ADAMTS17: variants seen among roughly 807,000 people sequenced by gnomAD.
ADAMTS17 encodes the protein ADAM metallopeptidase with thrombospondin type 1 motif 17.
A neutral mutation model predicts 141.5 loss-of-function variants in ADAMTS17; 113 were observed. The ratio of observed to expected loss-of-function variants is 0.80; its 90% CI spans 0.69 to 0.93. The LOEUF (loss-of-function observed/expected upper bound fraction) is 0.93, where lower values mean the gene tolerates loss of function less well. Among genes scored for constraint, ADAMTS17 ranks in the 40% least tolerant of loss-of-function variants. ADAMTS17 has a pLI of 0.00. For missense variants in ADAMTS17, 1,659 were observed against 1,517.9 expected, an observed-to-expected ratio of 1.09 and a Z score of -1.54; for synonymous variants, 768 against 630.6, an observed-to-expected ratio of 1.22 and a Z score of -3.27.
chr15:100,109,175 G>C (rs2036590416), intron 13 of ADAMTS17, 59 bp from the exon 14 acceptor site: 7 of 1,559,064 alleles, frequency 4.5e-6, no homozygotes, highest in Admixed American at 3.9e-5. Flanking sequence ...GCCATGCAGG[G>C]CACAGGTACA....
chr15:100,109,927 A>C (rs1429765686), intron 13 of ADAMTS17, among the ~76,000 whole-genome samples: 1 of 151,950 alleles, frequency 6.6e-6, no homozygotes, highest in Non-Finnish European at 1.5e-5. Flanking sequence ...CACTGTGCAC[A>C]CACCTCCATT....
chr15:100,010,713 A>G (rs907514638), intron 18 of ADAMTS17, among the ~76,000 whole-genome samples: 4 of 152,242 alleles, frequency 2.6e-5, no homozygotes, highest in African/African-American at 7.2e-5. Flanking sequence ...ATAGTCCTGA[A>G]GACCTGTGGC....
chr15:100,257,368 C>G (rs1480656454), intron 6 of ADAMTS17, among the ~76,000 whole-genome samples: 1 of 152,242 alleles, frequency 6.6e-6, no homozygotes, highest in Non-Finnish European at 1.5e-5. Flanking sequence ...TGCGGCCTCC[C>G]CCGTCCTTCA....
intron 15 of ADAMTS17, among the ~76,000 whole-genome samples, chr15:100,083,071 G>A (rs530091851): frequency 4.6e-5 from 7 of 152,210 alleles, no homozygotes; most frequent in South Asian, 2.1e-4. Flanking sequence ...ACATTTCACC[G>A]GCCACTTAAA....
At chr15:100,064,015 C>G (rs961596445) in intron 15 of ADAMTS17, among the ~76,000 whole-genome samples, 4 of 152,090 alleles carry the variant, frequency 2.6e-5, no homozygotes, top group African/African-American at 9.7e-5. Flanking sequence ...CTAACTGGGC[C>G]CCCCCTTCAA....
intron 15 of ADAMTS17, among the ~76,000 whole-genome samples, chr15:100,077,846 C>A (rs1008431156): frequency 6.6e-6 from 1 of 152,098 alleles, no homozygotes; most frequent in Non-Finnish European, 1.5e-5. Context: ...ATGCTAAAAT[C>A]TTATATACAG....
At chr15:100,088,650 C>A (rs1596389632) in intron 15 of ADAMTS17, among the ~76,000 whole-genome samples, 1 of 151,218 alleles carries the variant, frequency 6.6e-6, no homozygotes, top group African/African-American at 2.5e-5. Context: ...AGATATAGAC[C>A]AATGGAACAG....
At chr15:100,051,268 T>G (rs757810805) in intron 17 of ADAMTS17, among the ~76,000 whole-genome samples, 2 of 152,142 alleles carry the variant, frequency 1.3e-5, no homozygotes, top group African/African-American at 2.4e-5. Context: ...TTCTGTTTAT[T>G]CCCAGGGTCC....
At chr15:100,252,511 A>G (rs973003261) in intron 7 of ADAMTS17, among the ~76,000 whole-genome samples, 1 of 152,184 alleles carries the variant, frequency 6.6e-6, no homozygotes, top group East Asian at 1.9e-4. Flanking sequence ...CACGGAGCAG[A>G]GGCGCCCCGG....
chr15:100,140,957 C>G (rs2038615394), intron 10 of ADAMTS17, among the ~76,000 whole-genome samples: 1 of 152,202 alleles, frequency 6.6e-6, no homozygotes. Context: ...AGGGTGGAAA[C>G]ACACAAAGGG....
chr15:100,113,588 G>T (rs1054658766), intron 13 of ADAMTS17, among the ~76,000 whole-genome samples: 29 of 152,238 alleles, frequency 1.9e-4, no homozygotes, highest in African/African-American at 7.0e-4. Flanking sequence ...GAGGTGCCGT[G>T]GGCTACCCTA....
At chr15:100,234,867 T>C (rs996200504) in intron 7 of ADAMTS17, among the ~76,000 whole-genome samples, 1 of 152,190 alleles carries the variant, frequency 6.6e-6, no homozygotes, top group Non-Finnish European at 1.5e-5. Flanking sequence ...CACAGCTGTT[T>C]TGTCCTGTTT....
At chr15:100,155,395 T>C (rs146351356) in intron 8 of ADAMTS17, 75 bp from the exon 9 acceptor site, 8 of 1,564,204 alleles carry the variant, frequency 5.1e-6, no homozygotes, top group East Asian at 2.4e-5. Flanking sequence ...TAGCGGACCA[T>C]GCTAAGGTAA....
chr15:100,048,480 G>A (rs1036042217), intron 18 of ADAMTS17, among the ~76,000 whole-genome samples: 1 of 135,596 alleles, frequency 7.4e-6, no homozygotes, highest in Non-Finnish European at 1.5e-5. Context: ...CACAACATTA[G>A]CCTGTGTGCA....
chr15:100,071,463 C>T (rs1211565038), intron 15 of ADAMTS17, among the ~76,000 whole-genome samples: 2 of 150,114 alleles, frequency 1.3e-5, no homozygotes, highest in African/African-American at 4.9e-5. Flanking sequence ...AGACCAATAT[C>T]CCTGATGAAC....
intron 3 of ADAMTS17, among the ~76,000 whole-genome samples, chr15:100,324,300 GT>G: frequency 6.6e-6 from 1 of 152,112 alleles, no homozygotes; most frequent in East Asian, 1.9e-4. Context: ...GTGAGACTCC[GT>G]CTCAAATAAA....
Position 100,261,488 on chromosome 15 carries a change from A to G in ADAMTS17, c.1022T>C (p.Phe341Ser). Residue 341 changes from phenylalanine to serine, a missense_variant, in exon 6 of 22, where the codon TTT becomes TCT. Phe to Ser is a radical substitution (Grantham distance 155). Transcript: ENST00000268070. Reference protein sequence around the residue: ...DDPPLVDAAVFVTRTDFCVHK... With the variant: ...DDPPLVDAAVSVTRTDFCVHK... ...CCAAATCCCATCTTACCTGGTCACAAACACGGCAGCATCCACCAGGGGCGG... is the reference window on the plus strand; with the variant it reads ...CCAAATCCCATCTTACCTGGTCACAGACACGGCAGCATCCACCAGGGGCGG... 1 of 1,614,120 alleles carries G rather than the reference A, an allele frequency of 6.2e-7. No homozygotes were observed. Among genetic ancestry groups the G allele is most frequent in the Non-Finnish European group, 8.5e-7 (1 of 1,180,030 alleles).
intron 8 of ADAMTS17, among the ~76,000 whole-genome samples, chr15:100,157,754 T>C (rs979175279): frequency 2.0e-5 from 3 of 152,208 alleles, no homozygotes; most frequent in African/African-American, 7.2e-5. Context: ...CTTGGCAGAA[T>C]GGCAAAAGTC....
intron 15 of ADAMTS17, among the ~76,000 whole-genome samples, chr15:100,087,571 T>C (rs1249793182): frequency 1.3e-5 from 2 of 152,144 alleles, no homozygotes; most frequent in Non-Finnish European, 2.9e-5. Context: ...TTGATGAACA[T>C]TGAAGCAAAA....
Sources: gnomAD v4.1 joint callset for allele counts (sites outside exome capture counted in the v4.1 genomes callset) on GRCh38, gnomAD v4.1.1 for gene constraint, MANE v1.5 for transcripts, NCBI Gene and HGNC (gene_info 2026-07-23, HGNC 2026-07-21) for gene names.